Variants in PARN observed in about 807,000 individuals in gnomAD.
PARN encodes the protein poly(A)-specific ribonuclease.
PARN carries 71 observed loss-of-function variants against 102.8 expected under a neutral mutation model. The ratio of observed to expected loss-of-function variants is 0.69; its 90% CI spans 0.57 to 0.84. The LOEUF is 0.84. PARN is among the 40% of genes least tolerant of loss of function. The pLI, the probability that PARN is intolerant of heterozygous loss-of-function variation, is 0.00. For synonymous variants in PARN, 261 were observed against 252.9 expected, an observed-to-expected ratio of 1.03 and a Z score of -0.30; for missense variants, 782 against 760.9, an observed-to-expected ratio of 1.03 and a Z score of -0.33.
At chr16:14,598,770 C>T (rs1970685946) in intron 12 of PARN, among the ~76,000 whole-genome samples, 1 of 152,186 alleles carries the variant, frequency 6.6e-6, no homozygotes, top group Admixed American at 6.5e-5. Flanking sequence ...CAGGGGCCTT[C>T]CCTACAGCGC....
intron 23 of PARN, among the ~76,000 whole-genome samples, chr16:14,438,454 G>T: frequency 6.8e-6 from 1 of 146,860 alleles, no homozygotes; most frequent in East Asian, 2.0e-4. Context: ...GGGGGGGGGT[G>T]TGTGAGTGCA....
intron 11 of PARN, among the ~76,000 whole-genome samples, chr16:14,603,329 T>G (rs1271240381): frequency 3.3e-5 from 5 of 152,194 alleles, no homozygotes; most frequent in Admixed American, 6.5e-5. Context: ...GGTAATATGC[T>G]GTCTCCCAAA....
chr16:14,630,200 G>C lies in PARN; in HGVS notation c.-75C>G. On this transcript the variant is annotated 5_prime_UTR_variant, in exon 1 of 24. Transcript: ENST00000437198. ...AGCGGTTCTACTCGCCGAATTCCGC[G>C]GCGACTGCGGCAGTAGCTGAGGCAG... 1.5e-6 allele frequency: 2 copies of C among 1,335,136 alleles called. No individual in the cohort carries two copies. Among genetic ancestry groups the C allele is most frequent in the South Asian group, 1.3e-5 (1 of 77,592 alleles). The allele number at this position is 1,335,136 out of a possible 1,614,324, so 82.7% of individuals were successfully genotyped here.
intron 23 of PARN, among the ~76,000 whole-genome samples, chr16:14,442,309 A>G (rs1435297873): frequency 2.0e-5 from 3 of 152,202 alleles, no homozygotes; most frequent in Non-Finnish European, 4.4e-5. Context: ...ATGACCTGGG[A>G]AAACAGCCAC....
intron 21 of PARN, among the ~76,000 whole-genome samples, chr16:14,483,679 C>CGA (rs1963504602): frequency 6.6e-6 from 1 of 152,154 alleles, no homozygotes; most frequent in African/African-American, 2.4e-5. Flanking sequence ...GACAGACTCC[C>CGA]ACCCCTCCTT....
At chr16:14,586,254 G>C in intron 14 of PARN, 64 bp downstream of exon 14, 1 of 887,318 alleles carries the variant, frequency 1.1e-6, no homozygotes, top group South Asian at 1.4e-5. Context: ...TGGGATTATA[G>C]GTGTGAGCCA....
Position 14,617,241 on chromosome 16 carries a change from A to G in PARN, c.388+349T>C, listed in dbSNP as rs1030669705. On this transcript the variant is annotated intron_variant, in intron 6 of 23. Coordinates refer to ENST00000437198, the MANE Select transcript of PARN (RefSeq NM_002582.4). ...CTACTAAAAATACAAAAAATTAGCCAGGCGTGGTGGCGGGCACCTGTAGTC... is the reference window on the plus strand; with the variant it reads ...CTACTAAAAATACAAAAAATTAGCCGGGCGTGGTGGCGGGCACCTGTAGTC... 1.5e-4 allele frequency among the ~76,000 whole-genome samples: 23 copies of G among 151,780 alleles called. No homozygotes were observed. In the East Asian group the frequency reaches 1.6e-3, roughly 10 times the overall value.
intron 21 of PARN, among the ~76,000 whole-genome samples, chr16:14,514,360 G>A (rs1273301409): frequency 1.3e-5 from 2 of 151,720 alleles, no homozygotes; most frequent in Non-Finnish European, 2.9e-5. Flanking sequence ...AGTTTTTTTT[G>A]TATTTTTAGT....
At chr16:14,599,670 C>T (rs1471595635) in intron 12 of PARN, among the ~76,000 whole-genome samples, 1 of 151,992 alleles carries the variant, frequency 6.6e-6, no homozygotes, top group Non-Finnish European at 1.5e-5. Flanking sequence ...ATAGTGTAAC[C>T]CTCCTATGCA....
At chr16:14,595,857 G>C (rs531134088) in intron 12 of PARN, among the ~76,000 whole-genome samples, 1 of 151,898 alleles carries the variant, frequency 6.6e-6, no homozygotes, top group Non-Finnish European at 1.5e-5. Context: ...GTAGAGAGGG[G>C]GTCTCCCATG....
intron 18 of PARN, among the ~76,000 whole-genome samples, chr16:14,562,767 T>A (rs1441450181): frequency 6.6e-6 from 1 of 152,162 alleles, no homozygotes; most frequent in African/African-American, 2.4e-5. Context: ...CACTAAAGAT[T>A]AGCAAACACT....
At chr16:14,621,395 C>T (rs1253948415) in intron 5 of PARN, among the ~76,000 whole-genome samples, 1 of 152,194 alleles carries the variant, frequency 6.6e-6, no homozygotes, top group Non-Finnish European at 1.5e-5. Context: ...ATTTTCTAAT[C>T]AAAACAACAC....
intron 21 of PARN, among the ~76,000 whole-genome samples, chr16:14,533,497 C>T (rs922764353): frequency 2.2e-4 from 31 of 139,274 alleles, no homozygotes; most frequent in Admixed American, 9.9e-4. Context: ...GGGAGAGGTT[C>T]CAAACTCTGA....
intron 22 of PARN, among the ~76,000 whole-genome samples, chr16:14,467,813 A>C (rs1962452975): frequency 6.6e-6 from 1 of 152,238 alleles, no homozygotes; most frequent in Non-Finnish European, 1.5e-5. Flanking sequence ...AATTGAAAAC[A>C]TTCCTAACAC....
At chr16:14,580,663 TTTTC>T (rs1470827733) in intron 18 of PARN, among the ~76,000 whole-genome samples, 1 of 152,022 alleles carries the variant, frequency 6.6e-6, no homozygotes, top group African/African-American at 2.4e-5. Context: ...TCTAGCAATG[TTTTC>T]TTTTTTTTTT....
At chr16:14,573,878 T>C (rs536965073) in intron 18 of PARN, among the ~76,000 whole-genome samples, 8 of 152,342 alleles carry the variant, frequency 5.3e-5, no homozygotes, top group African/African-American at 1.7e-4. Flanking sequence ...CTCTTTCTTT[T>C]GTAAATTGCC....
intron 9 of PARN, among the ~76,000 whole-genome samples, chr16:14,607,171 G>T (rs1197792836): frequency 6.6e-6 from 1 of 151,942 alleles, no homozygotes; most frequent in Non-Finnish European, 1.5e-5. Flanking sequence ...ATATAAAAAT[G>T]TTTCCTAACT....
rs1374459599 is a variant in PARN, at chr16:14,435,806, G to T, written c.*911C>A. 1 of 151,658 alleles carries T rather than the reference G, an allele frequency of 6.6e-6. No individual in the cohort carries two copies. Among genetic ancestry groups the T allele is most frequent in the Non-Finnish European group, 1.5e-5 (1 of 67,956 alleles). 9.4% of individuals were successfully genotyped at this position (151,658 alleles called of 1,614,324 possible). ...TCTAACAATGATCTATCTGAAGCGG[G>T]TGGAGCAAAGCAGCGCCATGAGCGT... On this transcript the variant is annotated 3_prime_UTR_variant, in exon 24 of 24. Coordinates refer to ENST00000437198, the MANE Select transcript of PARN (RefSeq NM_002582.4).
chr16:14,519,066 G>C (rs1029000534), intron 21 of PARN, among the ~76,000 whole-genome samples: 1 of 151,868 alleles, frequency 6.6e-6, no homozygotes. Context: ...ATGGGATAAA[G>C]CAACTGAATG....
Sources: allele counts gnomAD v4.1 joint callset (sites outside exome capture counted in the v4.1 genomes callset), GRCh38; gene constraint gnomAD v4.1.1; transcripts MANE v1.5; gene names NCBI Gene and HGNC (gene_info 2026-07-23, HGNC 2026-07-21).